The following TTC7B variants were observed in gnomAD, a reference collection of about 807,000 sequenced individuals.
TTC7B encodes tetratricopeptide repeat protein 7B.
In TTC7B, 28 loss-of-function variants were observed where a neutral mutation model predicts 106.8. The observed-to-expected ratio is 0.26, with a 90% CI of 0.19 to 0.36. The LOEUF is 0.36. Among genes scored for constraint, TTC7B ranks in the 10% least tolerant of loss-of-function variants. The probability of loss-of-function intolerance (pLI) is 1.00; values close to 1 mark genes in which losing one functional copy is unlikely to be tolerated. For missense variants in TTC7B, 862 were observed against 1,076.4 expected (o/e 0.80, Z 2.79); for synonymous variants, 405 against 430.6 (o/e 0.94, Z 0.74).
chr14:90,551,570 G>A (rs1890082507), intron 19 of TTC7B, among the ~76,000 whole-genome samples: 1 of 152,186 alleles, frequency 6.6e-6, no homozygotes, highest in Non-Finnish European at 1.5e-5. Context: ...TTTCCTTCTA[G>A]AGGATGCCAT....
chr14:90,641,324 C>T (rs1035851205), intron 15 of TTC7B, among the ~76,000 whole-genome samples: 3 of 152,196 alleles, frequency 2.0e-5, no homozygotes, highest in African/African-American at 4.8e-5. Flanking sequence ...CAGAGCTGAC[C>T]CTCACGGAGG....
chr14:90,767,380 A>T (rs987286366), intron 3 of TTC7B, among the ~76,000 whole-genome samples: 5 of 152,226 alleles, frequency 3.3e-5, no homozygotes, highest in Non-Finnish European at 7.4e-5. Flanking sequence ...GTGTCCCATT[A>T]AAAGGATGTA....
chr14:90,761,357 T>C (rs12434032), intron 3 of TTC7B, among the ~76,000 whole-genome samples: 48,216 of 152,108 alleles, frequency 0.32, 10,772 homozygotes, highest in African/African-American at 0.64. Flanking sequence ...TTCACATTTC[T>C]GACAACCATC....
chr14:90,596,526 C>T (rs1033197078), intron 17 of TTC7B, among the ~76,000 whole-genome samples: 1 of 152,210 alleles, frequency 6.6e-6, no homozygotes. Flanking sequence ...ATGTACTAAT[C>T]TTTAACCAGA....
At chr14:90,727,783 T>C (rs1305524159) in intron 5 of TTC7B, among the ~76,000 whole-genome samples, 1 of 152,206 alleles carries the variant, frequency 6.6e-6, no homozygotes, top group African/African-American at 2.4e-5. Flanking sequence ...TTCCTACTAC[T>C]GAAAATCAGT....
intron 13 of TTC7B, 193 bp from the exon 14 acceptor site, chr14:90,647,216 A>G: frequency 1.7e-6 from 1 of 575,552 alleles, no homozygotes. Context: ...CACTGTATAA[A>G]GGTACAGAAT....
intron 3 of TTC7B, chr14:90,766,870 C>A: frequency 1.9e-6 from 3 of 1,596,586 alleles, no homozygotes; most frequent in Non-Finnish European, 2.6e-6. Context: ...CCTGGAGCGA[C>A]TGAAGAAGAT....
At chr14:90,664,367 T>C (rs1052875518) in intron 9 of TTC7B, among the ~76,000 whole-genome samples, 32 of 152,254 alleles carry the variant, frequency 2.1e-4, no homozygotes, top group Non-Finnish European at 4.0e-4. Context: ...CCTCCTGGGA[T>C]CAAGCGATTC....
intron 4 of TTC7B, among the ~76,000 whole-genome samples, chr14:90,732,334 C>T (rs779751000): frequency 1.3e-5 from 2 of 152,140 alleles, no homozygotes; most frequent in Non-Finnish European, 2.9e-5. Context: ...ATTTCTACAA[C>T]AGCCTCCTGA....
chr14:90,610,901 G>A (rs1892845698), intron 16 of TTC7B, 62 bp from the exon 17 acceptor site: 2 of 1,138,072 alleles, frequency 1.8e-6, no homozygotes, highest in Admixed American at 3.4e-5. Flanking sequence ...GGAAAGAGAG[G>A]CAACCAATAC....
intron 1 of TTC7B, among the ~76,000 whole-genome samples, chr14:90,798,709 C>CGAAAA (rs2030038210): frequency 1.9e-5 from 1 of 52,290 alleles, no homozygotes. Flanking sequence ...GACTCCATCT[C>CGAAAA]AAAAAAAAAA....
chr14:90,726,622 G>A lies in TTC7B; in HGVS notation c.698+3453C>T, dbSNP rs536217918. On this transcript the variant is annotated intron_variant, in intron 5 of 19. Coordinates refer to ENST00000328459, the MANE Select transcript of TTC7B (RefSeq NM_001010854.2). ...TATTTGCTCCTCACTACTGCTCTCC[G>A]AGGTGACTGATATTCACCCTACTAC... Among the ~76,000 whole-genome samples the A allele has an allele frequency of 7.9e-4, 120 of 152,266 alleles. 1 individual carries two copies. The Middle Eastern group carries it at 0.01, about 13-fold the overall frequency.
intron 3 of TTC7B, among the ~76,000 whole-genome samples, chr14:90,761,138 A>C (rs936184399): frequency 6.6e-6 from 1 of 152,248 alleles, no homozygotes; most frequent in Non-Finnish European, 1.5e-5. Flanking sequence ...TTTATAGTTT[A>C]AATGATAATA....
chr14:90,660,347 C>T (rs1231808047), intron 9 of TTC7B, among the ~76,000 whole-genome samples: 16 of 125,244 alleles, frequency 1.3e-4, no homozygotes, highest in African/African-American at 4.3e-4. Flanking sequence ...CTGTGATCGT[C>T]GTACCACTGC....
rs1356947478 is a variant in TTC7B at position 90,525,688 on chromosome 14, C to T, written c.*15680G>A. 1.3e-5 allele frequency: 2 copies of T among 149,430 alleles called. No individual in the cohort carries two copies. The highest frequency in any genetic ancestry group is 6.7e-5 in the Admixed American group (1 of 15,024). The allele number at this position is 149,430 out of a possible 1,614,324, so 9.3% of individuals were successfully genotyped here. On this transcript the variant is annotated 3_prime_UTR_variant, in exon 20 of 20. Transcript: ENST00000328459. ...TTGTTAGACGGTGGGCTTCATCCGT[C>T]CTACCTCGCCCAACCCAGTTGACTA... is the stretch of plus-strand genomic sequence containing the variant.
intron 3 of TTC7B, among the ~76,000 whole-genome samples, chr14:90,758,298 G>C (rs1202740237): frequency 6.8e-6 from 1 of 147,180 alleles, no homozygotes; most frequent in Non-Finnish European, 1.5e-5. Context: ...GCACCTGCGC[G>C]AGATGCAGGG....
At chr14:90,698,378 T>A (rs1425145663) in intron 5 of TTC7B, 1 of 152,204 alleles carries the variant, frequency 6.6e-6, no homozygotes, top group Non-Finnish European at 1.5e-5. Context: ...ATTCTTAAAA[T>A]GTTGAGATCA....
At chr14:90,743,734 C>T (rs1566866565) in intron 4 of TTC7B, among the ~76,000 whole-genome samples, 1 of 152,190 alleles carries the variant, frequency 6.6e-6, no homozygotes, top group Non-Finnish European at 1.5e-5. Context: ...GTAATCCTCA[C>T]AAAAGCTTCA....
chr14:90,586,941 T>C (rs556964788), intron 18 of TTC7B, among the ~76,000 whole-genome samples: 1 of 152,254 alleles, frequency 6.6e-6, no homozygotes, highest in East Asian at 1.9e-4. Context: ...GTATTCCTCC[T>C]TTTCCTTCAC....
Sources: allele counts gnomAD v4.1 joint callset (sites outside exome capture counted in the v4.1 genomes callset), GRCh38; gene constraint gnomAD v4.1.1; transcripts MANE v1.5; gene names NCBI Gene and HGNC (gene_info 2026-07-23, HGNC 2026-07-21).